Variants in COL27A1 observed in about 807,000 individuals in gnomAD.
COL27A1 encodes the protein collagen alpha-1(XXVII) chain.
A neutral mutation model predicts 251.3 loss-of-function variants in COL27A1; 106 were observed. The ratio of observed to expected loss-of-function variants is 0.42; its 90% confidence interval spans 0.36 to 0.50. The LOEUF (loss-of-function observed/expected upper bound fraction) is 0.50, where lower values mean the gene tolerates loss of function less well. Among genes scored for constraint, COL27A1 ranks in the 20% least tolerant of loss-of-function variants. The probability of loss-of-function intolerance (pLI) is 0.00; values close to 1 mark genes in which losing one functional copy is unlikely to be tolerated. For missense variants in COL27A1, 2,325 were observed against 2,522.8 expected (o/e 0.92, Z 1.68); for synonymous variants, 1,000 against 986.3 (o/e 1.01, Z -0.26).
At chr9:114,163,417 A>G (rs1265547715) in intron 2 of COL27A1, among the ~76,000 whole-genome samples, 3 of 150,530 alleles carry the variant, frequency 2.0e-5, no homozygotes, top group Admixed American at 6.6e-5. Context: ...AAAAAAAAAA[A>G]GGCATTAAGC....
intron 21 of COL27A1, among the ~76,000 whole-genome samples, chr9:114,241,910 C>G (rs1350659138): frequency 4.6e-5 from 7 of 152,212 alleles, no homozygotes; most frequent in Non-Finnish European, 5.9e-5. Flanking sequence ...CTCTGTTCCT[C>G]ACAGCACACA....
intron 5 of COL27A1, among the ~76,000 whole-genome samples, chr9:114,186,965 C>G (rs1425243807): frequency 6.6e-6 from 1 of 152,218 alleles, no homozygotes; most frequent in Non-Finnish European, 1.5e-5. Flanking sequence ...GTGCTCCCTG[C>G]ACTGGGCCAT....
At chr9:114,297,415 A>G (rs1323285259) in intron 49 of COL27A1, among the ~76,000 whole-genome samples, 1 of 152,238 alleles carries the variant, frequency 6.6e-6, no homozygotes, top group Non-Finnish European at 1.5e-5. Context: ...GAATACAGAT[A>G]CAAAAATCTT....
chr9:114,284,552 G>A (rs1363134100), intron 40 of COL27A1, among the ~76,000 whole-genome samples, 172 bp from the exon 41 acceptor site: 2 of 152,318 alleles, frequency 1.3e-5, no homozygotes, highest in East Asian at 3.9e-4. Context: ...GACCAGCACG[G>A]CACATCTGGA....
In COL27A1 at chr9:114,210,993, C is replaced by T. The variant is rs34350265; in HGVS notation, c.2334C>T (p.Gly778=). The T allele has an allele frequency of 0.076, 122,449 of 1,613,340 alleles. 5,146 individuals carry two copies. The highest frequency in any genetic ancestry group is 0.13 in the African/African-American group (9,539 of 75,018). ...PGSDGERGLP[G]VPGKRGKMGM... ...TCTCTCCCCTGCAGGGCCTGCCTGGCGTTCCTGGCAAGAGGGGCAAGATGG... is the reference window on the plus strand; with the variant it reads ...TCTCTCCCCTGCAGGGCCTGCCTGGTGTTCCTGGCAAGAGGGGCAAGATGG... The change falls in exon 12 of 61, where the codon GGC becomes GGT. Residue 778 remains glycine, a synonymous_variant. Coordinates refer to ENST00000356083, the MANE Select transcript of COL27A1 (RefSeq NM_032888.4).
At chr9:114,214,218 G>A (rs559652963) in intron 12 of COL27A1, among the ~76,000 whole-genome samples, 118 of 152,260 alleles carry the variant, frequency 7.7e-4, no homozygotes, top group African/African-American at 2.6e-3. Flanking sequence ...TGATCTGTCT[G>A]GTAGGGTTGG....
intron 4 of COL27A1, 125 bp downstream of exon 4, chr9:114,178,469 T>C: frequency 1.2e-6 from 1 of 868,854 alleles, no homozygotes; most frequent in East Asian, 2.4e-5. Flanking sequence ...GGCACCCATA[T>C]TTGGCTTTAT....
chr9:114,270,960 T>C, intron 36 of COL27A1, 179 bp downstream of exon 36: 1 of 599,394 alleles, frequency 1.7e-6, no homozygotes, highest in South Asian at 2.0e-5. Context: ...CCTCCCACCC[T>C]GCCCTCTGCA....
intron 29 of COL27A1, among the ~76,000 whole-genome samples, 187 bp downstream of exon 29, chr9:114,264,595 A>C (rs1434977869): frequency 6.6e-6 from 1 of 152,022 alleles, no homozygotes; most frequent in Non-Finnish European, 1.5e-5. Context: ...AAGCCCAATA[A>C]AGAGAAAGCA....
rs1466600515 is a variant in COL27A1 at position 114,288,731 on chromosome 9, G to A, written c.4074G>A (p.Gly1358=). The change falls in exon 43 of 61, where the codon GGG becomes GGA. Residue 1358 remains glycine (G), a synonymous_variant. Coordinates refer to ENST00000356083, the MANE Select transcript of COL27A1 (RefSeq NM_032888.4). ...CTGTGGGTGATCGAGGAGACCGCGG[G>A]GAACCGGGAGACCCTGGGTACCCTG... ...RGPVGDRGDR[G]EPGDPGYPGQ... is the part of the protein sequence containing the mutation. The A allele has an allele frequency of 6.2e-7, 1 of 1,610,752 alleles. No homozygotes were observed. The highest frequency in any genetic ancestry group is 8.5e-7 in the Non-Finnish European group (1 of 1,177,488).
chr9:114,272,313 T>C (rs10982132), intron 36 of COL27A1: 24,220 of 152,176 alleles, frequency 0.16, 2,129 homozygotes, highest in African/African-American at 0.18. Context: ...TCCACTGAGG[T>C]GGGCGGGAGG....
In COL27A1 at chr9:114,182,194, TAATAAA is replaced by T. The variant is rs1564439207; in HGVS notation, c.1963-822_1963-817del. Among the ~76,000 whole-genome samples the T allele has an allele frequency of 8.9e-3, 1,304 of 147,244 alleles. 20 individuals are homozygous for T. The highest frequency in any genetic ancestry group is 0.03 in the African/African-American group (1,203 of 40,436). On this transcript the variant is annotated intron_variant, in intron 4 of 60. Transcript: ENST00000356083. The stretch of plus-strand genomic sequence containing the variant: ...TCTCTATAAAATAATAATAATAAAA[TAATAAA>T]AATAATAAAATAAAAATAATAATAA...
At chr9:114,266,651 T>G in intron 33 of COL27A1, 33 bp downstream of exon 33, 1 of 1,585,998 alleles carries the variant, frequency 6.3e-7, no homozygotes, top group Non-Finnish European at 8.7e-7. Context: ...CGTCCCATGA[T>G]GCTGCTGGGG....
chr9:114,234,421 C>T (rs1329904930), intron 16 of COL27A1, among the ~76,000 whole-genome samples: 1 of 152,048 alleles, frequency 6.6e-6, no homozygotes, highest in Admixed American at 6.5e-5. Context: ...GGGTTTTTCT[C>T]CCCATTCTTC....
At position 114,195,824 on chromosome 9, in the gene COL27A1, C is replaced by T. The variant is rs572774528; in HGVS notation, c.2071-135C>T. ...TTGCTGGGCAGCCCCCGAGTCTCCTCTGAGGCCTCTACTTCTCTATGAATC... is the reference window on the plus strand; with the variant it reads ...TTGCTGGGCAGCCCCCGAGTCTCCTTTGAGGCCTCTACTTCTCTATGAATC... On this transcript the variant is annotated intron_variant, in intron 6 of 60. Transcript: ENST00000356083. The T allele has an allele frequency of 2.6e-5, 19 of 743,850 alleles. No individual in the cohort carries two copies. In the East Asian group the frequency reaches 3.9e-4, roughly 15 times the overall value. The allele number at this position is 743,850 out of a possible 1,614,324, so 46.1% of individuals were successfully genotyped here.
chr9:114,175,971 G>C lies in COL27A1; in HGVS notation c.1909-2320G>C, dbSNP rs142694054. ...TTTCCAGGATCTTCATTTCACAGAT[G>C]TCCAGAGAAGAGAAGGGACTTACTC... On this transcript the variant is annotated intron_variant, in intron 3 of 60. Transcript: ENST00000356083. Among the ~76,000 whole-genome samples the C allele has an allele frequency of 5.3e-3, 805 of 152,298 alleles. 12 individuals are homozygous for C. The highest frequency in any genetic ancestry group is 0.019 in the African/African-American group (777 of 41,566).
At chr9:114,202,566 C>T (rs113524061) in intron 7 of COL27A1, among the ~76,000 whole-genome samples, 28 of 152,184 alleles carry the variant, frequency 1.8e-4, no homozygotes, top group African/African-American at 6.5e-4. Flanking sequence ...CCTCCCTGCT[C>T]GAAGAGCTTC....
intron 49 of COL27A1, among the ~76,000 whole-genome samples, chr9:114,293,790 T>C (rs1249732): frequency 0.42 from 63,475 of 151,966 alleles, 13,374 homozygotes; most frequent in Admixed American, 0.47. Flanking sequence ...ACAAATTCCT[T>C]GAAAGACAAA....
Position 114,306,642 on chromosome 9 carries a change from C to T in COL27A1, c.5061C>T (p.Ala1687=), listed in dbSNP as rs1829069483. The part of the protein sequence containing the change: ...KTPLGTKENP[A]RVCRDLMDCE... ...CCCTGGGCACCAAAGAGAACCCCGC[C>T]CGGGTCTGCAGGGACCTCATGGACT... Residue 1687 remains alanine, a synonymous_variant, in exon 58 of 61, where the codon GCC becomes GCT. Transcript: ENST00000356083. 3 of 1,614,160 alleles carry T rather than the reference C, an allele frequency of 1.9e-6. No homozygotes were observed. The highest frequency in any genetic ancestry group is 1.7e-5 in the Admixed American group (1 of 60,018).
Sources: allele counts gnomAD v4.1 joint callset (sites outside exome capture counted in the v4.1 genomes callset), GRCh38; gene constraint gnomAD v4.1.1; transcripts MANE v1.5; gene names NCBI Gene and HGNC (gene_info 2026-07-23, HGNC 2026-07-21).